Variants in KLHL1 observed in about 807,000 individuals in gnomAD.
The protein encoded by KLHL1 is kelch-like protein 1.
In KLHL1, 47 loss-of-function variants were observed where a neutral mutation model predicts 77.7. That is an observed-to-expected ratio of 0.60 (90% confidence interval 0.48 to 0.77). The LOEUF is 0.77. Among genes scored for constraint, KLHL1 ranks in the 30% least tolerant of loss-of-function variants. KLHL1 has a pLI of 0.00. For synonymous variants in KLHL1, 360 were observed against 325.2 expected (o/e 1.11, Z -1.15); for missense variants, 925 against 910.8 (o/e 1.02, Z -0.20).
intron 2 of KLHL1, among the ~76,000 whole-genome samples, chr13:69,965,249 G>C (rs9317851): frequency 6.6e-6 from 1 of 151,976 alleles, no homozygotes; most frequent in Non-Finnish European, 1.5e-5. Context: ...ATCAAAACCA[G>C]TTTTCCAACA....
intron 8 of KLHL1, among the ~76,000 whole-genome samples, chr13:69,720,224 A>C (rs1872982540): frequency 6.6e-6 from 1 of 152,108 alleles, no homozygotes; most frequent in South Asian, 2.1e-4. Context: ...ATTAATGAGA[A>C]GTATGATAGA....
At chr13:69,734,961 T>C (rs1230407842) in intron 8 of KLHL1, among the ~76,000 whole-genome samples, 2 of 152,088 alleles carry the variant, frequency 1.3e-5, no homozygotes, top group Admixed American at 6.6e-5. Context: ...TATATCATAA[T>C]GAAGAATGTT....
chr13:69,959,359 T>A (rs1883994846), intron 3 of KLHL1, among the ~76,000 whole-genome samples: 1 of 151,876 alleles, frequency 6.6e-6, no homozygotes. Context: ...TCATGATTCT[T>A]CCCTTTCCAG....
intron 6 of KLHL1, among the ~76,000 whole-genome samples, chr13:69,800,963 G>C (rs1877350432): frequency 6.6e-6 from 1 of 152,070 alleles, no homozygotes; most frequent in Non-Finnish European, 1.5e-5. Context: ...ATTATTTTAG[G>C]GTTACTCTGT....
chr13:69,787,370 T>C (rs1490391909), intron 7 of KLHL1, among the ~76,000 whole-genome samples: 19 of 152,262 alleles, frequency 1.2e-4, no homozygotes, highest in Non-Finnish European at 1.5e-5. Flanking sequence ...TCTACAACCA[T>C]CTGATCTTCA....
chr13:69,844,492 G>A (rs905567531), intron 5 of KLHL1, among the ~76,000 whole-genome samples: 1 of 151,452 alleles, frequency 6.6e-6, no homozygotes, highest in African/African-American at 2.4e-5. Flanking sequence ...ACCATAGCTT[G>A]TGTTTGCATT....
At chr13:69,842,768 A>G (rs1388139343) in intron 5 of KLHL1, among the ~76,000 whole-genome samples, 1 of 151,920 alleles carries the variant, frequency 6.6e-6, no homozygotes, top group Non-Finnish European at 1.5e-5. Context: ...TATAATAGCA[A>G]AGATATGGAA....
chr13:70,080,999 A>G (rs1887378913), intron 1 of KLHL1, among the ~76,000 whole-genome samples: 1 of 152,218 alleles, frequency 6.6e-6, no homozygotes, highest in Non-Finnish European at 1.5e-5. Context: ...CTTCCCAAAA[A>G]ACATTGCAAA....
At chr13:70,067,194 G>A (rs1159067576) in intron 1 of KLHL1, among the ~76,000 whole-genome samples, 1 of 152,168 alleles carries the variant, frequency 6.6e-6, no homozygotes, top group African/African-American at 2.4e-5. Context: ...GAGAAAACAT[G>A]TTCCAGCATT....
intron 10 of KLHL1, among the ~76,000 whole-genome samples, chr13:69,702,654 A>AT (rs942436686): frequency 2.4e-4 from 37 of 151,704 alleles, no homozygotes; most frequent in African/African-American, 8.7e-4. Context: ...AATTACCTCC[A>AT]TTTTCTACCA....
intron 5 of KLHL1, among the ~76,000 whole-genome samples, chr13:69,873,047 T>C (rs933723935): frequency 3.3e-5 from 5 of 152,212 alleles, no homozygotes; most frequent in Non-Finnish European, 5.9e-5. Flanking sequence ...CTTAGGAAAT[T>C]ATAACTTATT....
chr13:70,001,659 ATC>A, intron 1 of KLHL1, among the ~76,000 whole-genome samples: 1 of 118,468 alleles, frequency 8.4e-6, no homozygotes, highest in Admixed American at 8.3e-5. Context: ...TCTATCTATT[ATC>A]TATCTATCTA....
chr13:70,052,847 A>G (rs1457071250), intron 1 of KLHL1, among the ~76,000 whole-genome samples: 2 of 152,098 alleles, frequency 1.3e-5, no homozygotes, highest in East Asian at 3.9e-4. Flanking sequence ...TAAGAAGATA[A>G]ATTAGACATT....
intron 4 of KLHL1, among the ~76,000 whole-genome samples, chr13:69,926,107 G>A (rs557726565): frequency 3.9e-5 from 6 of 152,214 alleles, no homozygotes; most frequent in Admixed American, 3.9e-4. Context: ...AACGTTTCTA[G>A]TTTTTTATTA....
At chr13:70,042,726 T>A (rs1261166398) in intron 1 of KLHL1, among the ~76,000 whole-genome samples, 1 of 152,224 alleles carries the variant, frequency 6.6e-6, no homozygotes, top group African/African-American at 2.4e-5. Flanking sequence ...GACTCCTATG[T>A]TTATTTAAAA....
chr13:69,744,745 T>C (rs1024413521), intron 7 of KLHL1, among the ~76,000 whole-genome samples: 1 of 151,860 alleles, frequency 6.6e-6, no homozygotes, highest in Non-Finnish European at 1.5e-5. Flanking sequence ...TTAAGTAATA[T>C]AATTTAAAAA....
At chr13:70,033,875 C>T (rs781621876) in intron 1 of KLHL1, among the ~76,000 whole-genome samples, 3 of 151,984 alleles carry the variant, frequency 2.0e-5, no homozygotes, top group Admixed American at 1.3e-4. Flanking sequence ...CTGCCCCCAC[C>T]TCTGGGATTA....
chr13:70,045,747 C>A lies in KLHL1; in HGVS notation c.497+61456G>T, dbSNP rs1234736962. Among the ~76,000 whole-genome samples the A allele has an allele frequency of 2.6e-5, 4 of 152,210 alleles. No homozygotes were observed. In the East Asian group the frequency reaches 7.7e-4, roughly 29 times the overall value. ...AAGGACATTCCTGTAACACTTGTCT[C>A]TTTACTTAGTAAAAGCAAATGTTTC... is the stretch of plus-strand genomic sequence containing the variant. On this transcript the variant is annotated intron_variant, in intron 1 of 10. Transcript: ENST00000377844.
At chr13:70,093,414 A>G (rs904742644) in intron 1 of KLHL1, among the ~76,000 whole-genome samples, 1 of 152,220 alleles carries the variant, frequency 6.6e-6, no homozygotes, top group Non-Finnish European at 1.5e-5. Context: ...AGATAGAGAA[A>G]ATAAATAGTA....
Sources: gnomAD v4.1 joint callset for allele counts (sites outside exome capture counted in the v4.1 genomes callset) on GRCh38, gnomAD v4.1.1 for gene constraint, MANE v1.5 for transcripts, NCBI Gene and HGNC (gene_info 2026-07-23, HGNC 2026-07-21) for gene names.